Variants in ZNF410 observed in about 807,000 individuals in gnomAD.
ZNF410 encodes the protein zinc finger protein 410, also known as another partner for ARF 1.
Under a neutral mutation model 54.8 loss-of-function variants are expected in ZNF410, and 18 were observed. The observed-to-expected ratio is 0.33, with a 90% CI of 0.23 to 0.49. The LOEUF (loss-of-function observed/expected upper bound fraction) is 0.49. Ranked by LOEUF, ZNF410 falls within the 20% of genes least tolerant of loss-of-function variation. The probability of loss-of-function intolerance (pLI) is 0.99; values close to 1 mark genes in which losing one functional copy is unlikely to be tolerated. For synonymous variants in ZNF410, 191 were observed against 207.3 expected (o/e 0.92, Z 0.68); for missense variants, 405 against 569.6 (o/e 0.71, Z 2.94).
rs866644651 is a variant in ZNF410 at position 73,901,879 on chromosome 14, A to G, written c.581-2081A>G. On this transcript the variant is annotated intron_variant, in intron 5 of 11. Transcript: ENST00000555044. ...AGTTGGGGAGGTCGAGGCTGCAGTG[A>G]ACCGAGATCATGCCACTGGATTCCA... Among the ~76,000 whole-genome samples, 4 of 151,312 alleles carry G rather than the reference A, an allele frequency of 2.6e-5. No homozygotes were observed. The South Asian group carries it at 8.4e-4, about 32-fold the overall frequency.
At chr14:73,910,186 G>A (rs1016804161) in intron 8 of ZNF410, among the ~76,000 whole-genome samples, 2 of 152,196 alleles carry the variant, frequency 1.3e-5, no homozygotes, top group African/African-American at 4.8e-5. Flanking sequence ...AGAGTTTGTG[G>A]AGCCTACTGG....
chr14:73,924,443 A>C (rs2055798993), intron 11 of ZNF410, among the ~76,000 whole-genome samples: 1 of 152,158 alleles, frequency 6.6e-6, no homozygotes, highest in South Asian at 2.1e-4. Context: ...AAAGGGTTTG[A>C]GGTTGAGCTA....
At chr14:73,894,299 A>G in intron 3 of ZNF410, 2 of 699,076 alleles carry the variant, frequency 2.9e-6, no homozygotes, top group South Asian at 3.0e-5. Context: ...ATTGTATCAA[A>G]TGCTACTGAC....
rs143996625 is a variant in ZNF410 at position 73,891,712 on chromosome 14, G to GGT, written c.-149-302_-149-301dup. 3.9e-3 allele frequency: 1,096 copies of GGT among 284,164 alleles called. 10 individuals are homozygous for GGT. The highest frequency in any genetic ancestry group is 0.022 in the African/African-American group (980 of 44,694). The allele number at this position is 284,164 out of a possible 1,614,324, so 17.6% of individuals were successfully genotyped here. ...TTTAATCAACCATTCCCTAATTGGG[G>GGT]GTGTGTGTGTGTGTATACATTGCTT... On this transcript the variant is annotated intron_variant, in intron 1 of 11. Coordinates refer to ENST00000555044, the MANE Select transcript of ZNF410 (RefSeq NM_021188.3).
chr14:73,929,755 T>A (rs1347628663), intron 11 of ZNF410, among the ~76,000 whole-genome samples: 1 of 151,570 alleles, frequency 6.6e-6, no homozygotes, highest in Admixed American at 6.6e-5. Flanking sequence ...AAGTTGAGGC[T>A]GTAGTGAGCC....
intron 1 of ZNF410, among the ~76,000 whole-genome samples, chr14:73,891,182 C>A (rs181615726): frequency 9.9e-5 from 15 of 151,982 alleles, no homozygotes; most frequent in African/African-American, 3.6e-4. Flanking sequence ...AAAATTAAGT[C>A]ACACCAGCCT....
rs529463464 is a variant in ZNF410 at position 73,921,214 on chromosome 14, T to C, written c.1129+109T>C. On this transcript the variant is annotated intron_variant, in intron 9 of 11. Transcript: ENST00000555044. ...ATTTTCTGATTCTGTTTTGGGTAGA[T>C]AGACCTGGTCTCATTTGATGGGCTG... 5.3e-5 allele frequency: 76 copies of C among 1,447,472 alleles called. No homozygotes were observed. The South Asian group carries it at 9.2e-4, about 17-fold the overall frequency. The allele number at this position is 1,447,472 out of a possible 1,614,324, so 89.7% of individuals were successfully genotyped here.
chr14:73,890,074 C>G (rs1454679283), intron 1 of ZNF410, among the ~76,000 whole-genome samples: 1 of 151,932 alleles, frequency 6.6e-6, no homozygotes, highest in African/African-American at 2.4e-5. Context: ...GGATTACAGG[C>G]GTGAGCCACT....
At chr14:73,899,594 A>C (rs1286733307) in intron 5 of ZNF410, among the ~76,000 whole-genome samples, 1 of 152,112 alleles carries the variant, frequency 6.6e-6, no homozygotes, top group Admixed American at 6.6e-5. Context: ...ATAGTGTCAT[A>C]TTTGCCAATG....
chr14:73,896,677 GA>G, intron 4 of ZNF410, 143 bp downstream of exon 4: 1 of 681,330 alleles, frequency 1.5e-6, no homozygotes, highest in Non-Finnish European at 2.4e-6. Context: ...GTGACCATTT[GA>G]ATATGTAGAG....
At chr14:73,894,265 G>A in intron 3 of ZNF410, 1 of 691,692 alleles carries the variant, frequency 1.4e-6, no homozygotes, top group South Asian at 1.5e-5. Flanking sequence ...CAGCAGAGTG[G>A]AGGCATGAAA....
intron 7 of ZNF410, among the ~76,000 whole-genome samples, chr14:73,908,937 T>A (rs2055534121): frequency 6.6e-6 from 1 of 152,120 alleles, no homozygotes; most frequent in South Asian, 2.1e-4. Context: ...AGACTTCCTC[T>A]CCAAAAAAAT....
intron 11 of ZNF410, among the ~76,000 whole-genome samples, chr14:73,927,404 A>G (rs2140331756): frequency 6.6e-6 from 1 of 152,308 alleles, no homozygotes; most frequent in Admixed American, 6.5e-5. Flanking sequence ...TATACAAGAA[A>G]TACTTCTCTC....
intron 9 of ZNF410, 25 bp downstream of exon 9, chr14:73,921,130 C>T (rs376459184): frequency 1.2e-5 from 20 of 1,611,916 alleles, no homozygotes; most frequent in South Asian, 5.5e-5. Flanking sequence ...CATAGTGGAA[C>T]GCTGTACTAC....
chr14:73,908,354 T>C (rs1483475644), intron 7 of ZNF410, among the ~76,000 whole-genome samples: 6 of 152,224 alleles, frequency 3.9e-5, no homozygotes, highest in Non-Finnish European at 8.8e-5. Flanking sequence ...TTTGAAACAT[T>C]TGATCTTGTT....
intron 8 of ZNF410, 160 bp from the exon 9 acceptor site, chr14:73,920,820 C>G: frequency 2.4e-6 from 2 of 823,634 alleles, no homozygotes; most frequent in East Asian, 2.6e-5. Context: ...TCCTGCCTTC[C>G]CCCATATACT....
At chr14:73,892,294 C>T in intron 2 of ZNF410, 86 bp downstream of exon 2, 1 of 1,273,188 alleles carries the variant, frequency 7.9e-7, no homozygotes, top group Non-Finnish European at 1.1e-6. Context: ...CAAACTTTTT[C>T]TTTAATGGGC....
At chr14:73,898,691 A>C (rs1183891959) in intron 5 of ZNF410, among the ~76,000 whole-genome samples, 1 of 152,246 alleles carries the variant, frequency 6.6e-6, no homozygotes, top group African/African-American at 2.4e-5. Context: ...ACATTAAGTC[A>C]TTGTGGCAGA....
At chr14:73,889,497 C>G (rs910983795) in intron 1 of ZNF410, among the ~76,000 whole-genome samples, 2 of 148,408 alleles carry the variant, frequency 1.3e-5, no homozygotes, top group Non-Finnish European at 3.0e-5. Context: ...AAAAGGAATT[C>G]TTAGGCCATG....
Sources: allele counts gnomAD v4.1 joint callset (sites outside exome capture counted in the v4.1 genomes callset), GRCh38; gene constraint gnomAD v4.1.1; transcripts MANE v1.5; gene names NCBI Gene and HGNC (gene_info 2026-07-23, HGNC 2026-07-21).